The following FAH variants were observed in gnomAD, a reference collection of about 807,000 sequenced individuals.
The protein encoded by FAH is fumarylacetoacetate hydrolase, also known as fumarylacetoacetase.
A neutral mutation model predicts 55.8 loss-of-function variants in FAH; 47 were observed. The ratio of observed to expected loss-of-function variants is 0.84; its 90% CI spans 0.67 to 1.07. FAH has a LOEUF of 1.07. FAH is among the 50% of genes least tolerant of loss of function. The pLI is 0.00. For synonymous variants in FAH, 199 were observed against 207.7 expected, an observed-to-expected ratio of 0.96 and a Z score of 0.36; for missense variants, 495 against 545.9, an observed-to-expected ratio of 0.91 and a Z score of 0.93.
chr15:80,186,108 T>G, intron 13 of FAH, 22 bp from the exon 14 acceptor site: 1 of 1,610,892 alleles, frequency 6.2e-7, no homozygotes, highest in African/African-American at 1.3e-5. Context: ...TTGTGACTGA[T>G]CCTTGTCCTC....
chr15:80,167,974 A>T, intron 5 of FAH, 78 bp from the exon 6 acceptor site: 1 of 1,178,776 alleles, frequency 8.5e-7, no homozygotes, highest in Non-Finnish European at 1.3e-6. Context: ...CTTTGTTTCT[A>T]GTTTTTGAAG....
At chr15:80,177,390 G>A (rs866660357) in intron 10 of FAH, 147 bp from the exon 11 acceptor site, 16 of 756,678 alleles carry the variant, frequency 2.1e-5, no homozygotes, top group Non-Finnish European at 3.2e-5. Context: ...TCCCAGCTCT[G>A]ATGTCCTAGG....
intron 1 of FAH, among the ~76,000 whole-genome samples, chr15:80,154,802 G>A (rs1002288036): frequency 6.6e-6 from 1 of 152,206 alleles, no homozygotes; most frequent in African/African-American, 2.4e-5. Flanking sequence ...CACAGGAGAC[G>A]CCTTCCTTCC....
intron 1 of FAH, chr15:80,156,167 G>T (rs1274957073): frequency 1.2e-5 from 3 of 241,490 alleles, no homozygotes; most frequent in East Asian, 2.1e-4. Flanking sequence ...GTTACCGCTT[G>T]ACCAAGGAGC....
chr15:80,168,382 T>A, intron 7 of FAH, 66 bp downstream of exon 7: 2 of 1,552,226 alleles, frequency 1.3e-6, no homozygotes, highest in South Asian at 1.1e-5. Flanking sequence ...CCCTTTGGGA[T>A]GGCTCCCCGC....
chr15:80,170,421 G>A (rs1458651151), intron 7 of FAH, among the ~76,000 whole-genome samples: 1 of 152,196 alleles, frequency 6.6e-6, no homozygotes, highest in Non-Finnish European at 1.5e-5. Flanking sequence ...GTCTCTCCTG[G>A]GCTTCCCTGT....
At chr15:80,162,372 GTCTT>G in intron 5 of FAH, 36 bp downstream of exon 5, 1 of 1,547,490 alleles carries the variant, frequency 6.5e-7, no homozygotes. Flanking sequence ...TAAGTTCAAA[GTCTT>G]TCTTTTCATT....
chr15:80,178,411 CTG>C (rs2041301492), intron 11 of FAH, among the ~76,000 whole-genome samples: 1 of 151,938 alleles, frequency 6.6e-6, no homozygotes, highest in South Asian at 2.1e-4. Flanking sequence ...TATTTTTTTT[CTG>C]TTTTTCAGTT....
At chr15:80,160,094 GC>G in intron 3 of FAH, 1 of 666,362 alleles carries the variant, frequency 1.5e-6, no homozygotes, top group Non-Finnish European at 2.6e-6. Context: ...CCCAAGCTAG[GC>G]CAGGCCAGGC....
In FAH at chr15:80,172,878, G is replaced by A. The variant is rs1299742871; in HGVS notation, c.707-136G>A. The A allele has an allele frequency of 2.5e-5, 29 of 1,183,282 alleles. No individual in the cohort carries two copies. The East Asian group carries it at 6.6e-4, about 27-fold the overall frequency. The allele number at this position is 1,183,282 out of a possible 1,614,324, so 73.3% of individuals were successfully genotyped here. ...GAATGCTCTTGCCCCTTTGTCCTGG[G>A]GCAGCCTGACTGGGGCTGATCTTTG... On this transcript the variant is annotated intron_variant, in intron 8 of 13. Transcript: ENST00000561421.
chr15:80,166,297 T>C (rs560980209), intron 5 of FAH: 5 of 152,206 alleles, frequency 3.3e-5, no homozygotes, highest in African/African-American at 1.2e-4. Flanking sequence ...CTAATTTTTG[T>C]ATTTTTTGTA....
chr15:80,164,529 A>AACACACACAC (rs10653816), intron 5 of FAH, among the ~76,000 whole-genome samples: 1 of 150,638 alleles, frequency 6.6e-6, no homozygotes, highest in African/African-American at 2.4e-5. Context: ...TTTTCAGCTT[A>AACACACACAC]ACACACACAC....
At position 80,173,124 on chromosome 15, in the gene FAH, G is replaced by A; in HGVS notation, c.817G>A (p.Ala273Thr). ...VVPMDALMPF[A>T]VPNPKQDPRP... ...GCCCATGGATGCTCTCATGCCCTTT[G>A]CTGTGCCCAACCCGAAGCAGGTAAG... The change falls in exon 9 of 14, where the codon GCT becomes ACT. Residue 273 changes from alanine (A) to threonine (T), a missense_variant. By Grantham distance (58) the Ala-to-Thr change is moderately conservative (BLOSUM62 0). Coordinates refer to ENST00000561421, the MANE Select transcript of FAH (RefSeq NM_000137.4). 6.2e-7 allele frequency: 1 copy of A among 1,614,208 alleles called. No homozygotes were observed. Among genetic ancestry groups the A allele is most frequent in the Non-Finnish European group, 8.5e-7 (1 of 1,180,038 alleles).
rs3752693 is a variant in FAH, at chr15:80,172,958, G to T, written c.707-56G>T. 5 of 1,613,456 alleles carry T rather than the reference G, an allele frequency of 3.1e-6. No individual in the cohort carries two copies. In the South Asian group the frequency reaches 4.4e-5, roughly 14 times the overall value. On this transcript the variant is annotated intron_variant, in intron 8 of 13. Transcript: ENST00000561421. Reference sequence around the variant, plus strand: ...CCTTGGTCAAGGGCAGGAGGGGGTCGTTGGGAGATGCCCTGATCAGCCTTT... The same window carrying T: ...CCTTGGTCAAGGGCAGGAGGGGGTCTTTGGGAGATGCCCTGATCAGCCTTT...
At position 80,175,025 on chromosome 15, in the gene FAH, C is replaced by G. The variant is rs753394178; in HGVS notation, c.847C>G (p.Pro283Ala). The change falls in exon 10 of 14, where the codon CCC (proline) becomes GCC (alanine). Residue 283 changes from proline (P) to alanine (A), a missense_variant. By Grantham distance (27) the Pro-to-Ala change is conservative (BLOSUM62 -1). Transcript: ENST00000561421. ...AVPNPKQDPR[P>A]LPYLCHDEPY... Reference sequence around the variant, plus strand: ...TGCTTTGCCCTCTCAGGACCCCAGGCCCCTGCCGTATCTGTGCCATGACGA... The same window carrying G: ...TGCTTTGCCCTCTCAGGACCCCAGGGCCCTGCCGTATCTGTGCCATGACGA... 1 of 1,611,890 alleles carries G rather than the reference C, an allele frequency of 6.2e-7. No individual in the cohort carries two copies. The highest frequency in any genetic ancestry group is 8.5e-7 in the Non-Finnish European group (1 of 1,179,168).
In FAH at chr15:80,173,002, C is replaced by T; in HGVS notation, c.707-12C>T. On this transcript the variant is annotated splice_polypyrimidine_tract_variant and intron_variant, in intron 8 of 13. Transcript: ENST00000561421. ...AGCCTTTGTAAGTCCTGGCTGTGCCCTTCTTCTGCAGCACGAGACATTCAG... is the reference window on the plus strand; with the variant it reads ...AGCCTTTGTAAGTCCTGGCTGTGCCTTTCTTCTGCAGCACGAGACATTCAG... 2 of 1,614,002 alleles carry T rather than the reference C, an allele frequency of 1.2e-6. No individual in the cohort carries two copies. The highest frequency in any genetic ancestry group is 1.7e-6 in the Non-Finnish European group (2 of 1,180,022).
intron 7 of FAH, among the ~76,000 whole-genome samples, chr15:80,171,254 C>G (rs1046182248): frequency 4.6e-5 from 7 of 151,932 alleles, no homozygotes; most frequent in Non-Finnish European, 4.4e-5. Context: ...TTCCCCCCAC[C>G]CCACAACAGA....
At chr15:80,164,894 G>GT (rs2041178725) in intron 5 of FAH, among the ~76,000 whole-genome samples, 1 of 152,164 alleles carries the variant, frequency 6.6e-6, no homozygotes, top group African/African-American at 2.4e-5. Context: ...ATGACCACAC[G>GT]TATGCACGCA....
intron 13 of FAH, among the ~76,000 whole-genome samples, chr15:80,182,862 C>T (rs755660805): frequency 2.0e-5 from 3 of 152,148 alleles, no homozygotes; most frequent in Admixed American, 6.5e-5. Flanking sequence ...AAAGCATTTT[C>T]TGAAGTTTTG....
Sources: gnomAD v4.1 joint callset for allele counts (sites outside exome capture counted in the v4.1 genomes callset) on GRCh38, gnomAD v4.1.1 for gene constraint, MANE v1.5 for transcripts, NCBI Gene and HGNC (gene_info 2026-07-23, HGNC 2026-07-21) for gene names.